The following TCEA3 variants were observed in gnomAD, a reference collection of about 807,000 sequenced individuals.
TCEA3 encodes the protein transcription elongation factor A protein 3.
A neutral mutation model predicts 44.0 loss-of-function variants in TCEA3; 36 were observed. The ratio of observed to expected loss-of-function variants is 0.82; its 90% CI spans 0.63 to 1.08. TCEA3 has a LOEUF of 1.08. TCEA3 is among the 50% of genes least tolerant of loss of function. The pLI, the probability that TCEA3 is intolerant of heterozygous loss-of-function variation, is 0.00. For synonymous variants in TCEA3, 162 were observed against 159.7 expected, an observed-to-expected ratio of 1.01 and a Z score of -0.11; for missense variants, 392 against 441.2, an observed-to-expected ratio of 0.89 and a Z score of 1.00.
In TCEA3 at chr1:23,419,747, A is replaced by T. The variant is rs573138712; in HGVS notation, c.70-608T>A. On this transcript the variant is annotated intron_variant, in intron 1 of 10. Transcript: ENST00000450454. ...GTTACTCAGGAGGCTGAGGCAGGAA[A>T]ATCGCTTGAGCCCAGGAGATGGAGG... Among the ~76,000 whole-genome samples the T allele has an allele frequency of 8.6e-4, 131 of 152,284 alleles. 1 individual carries two copies. The highest frequency in any genetic ancestry group is 8.3e-3 in the South Asian group (40 of 4,826).
intron 4 of TCEA3, chr1:23,412,176 T>C (rs1639729662): frequency 6.6e-6 from 1 of 152,246 alleles, no homozygotes; most frequent in Non-Finnish European, 1.5e-5. Context: ...TCTTCGGCCA[T>C]TGTTTGCTAC....
chr1:23,423,218 T>C (rs868107604), intron 1 of TCEA3, among the ~76,000 whole-genome samples: 56 of 152,216 alleles, frequency 3.7e-4, no homozygotes, highest in African/African-American at 1.3e-3. Context: ...TGTATCTTTC[T>C]GTGTTGGACC....
intron 4 of TCEA3, chr1:23,410,684 C>T (rs1295225790): frequency 6.6e-6 from 1 of 152,026 alleles, no homozygotes; most frequent in East Asian, 2.0e-4. Context: ...CACGTGTAAT[C>T]CCAGCTACTC....
intron 2 of TCEA3, among the ~76,000 whole-genome samples, chr1:23,418,830 G>C (rs908903591): frequency 6.6e-6 from 1 of 152,020 alleles, no homozygotes; most frequent in African/African-American, 2.4e-5. Context: ...GGGTATTCAA[G>C]AAAAGCGAAC....
intron 8 of TCEA3, among the ~76,000 whole-genome samples, chr1:23,387,675 G>A (rs982126188): frequency 1.3e-4 from 20 of 152,106 alleles, no homozygotes; most frequent in African/African-American, 4.1e-4. Flanking sequence ...GCCCGAGGAC[G>A]AGCACTCCTG....
chr1:23,400,089 G>A (rs1162273449), intron 5 of TCEA3, among the ~76,000 whole-genome samples: 2 of 152,244 alleles, frequency 1.3e-5, no homozygotes, highest in Non-Finnish European at 2.9e-5. Context: ...CTTGTAAGAA[G>A]GAGAGGGAGT....
At chr1:23,407,466 C>G (rs909802491) in intron 5 of TCEA3, among the ~76,000 whole-genome samples, 8 of 152,098 alleles carry the variant, frequency 5.3e-5, no homozygotes, top group Admixed American at 4.6e-4. Flanking sequence ...TTCGCTTAAA[C>G]TGCTCCAGCC....
At chr1:23,384,731 A>G (rs1403078081) in intron 9 of TCEA3, among the ~76,000 whole-genome samples, 1 of 135,834 alleles carries the variant, frequency 7.4e-6, no homozygotes, top group African/African-American at 2.9e-5. Context: ...CAGTGGTGCC[A>G]TCTCGGCTCA....
chr1:23,399,148 A>ATG (rs1639314597), intron 5 of TCEA3, among the ~76,000 whole-genome samples: 1 of 99,268 alleles, frequency 1.0e-5, no homozygotes, highest in Admixed American at 9.4e-5. Context: ...ATATATGTAT[A>ATG]TATATATATA....
chr1:23,424,006 C>G (rs1640142203), intron 1 of TCEA3: 1 of 379,148 alleles, frequency 2.6e-6, no homozygotes, highest in South Asian at 1.9e-5. Flanking sequence ...GGGAAAATTG[C>G]CAAAAGAACC....
At chr1:23,401,059 C>T (rs1464356067) in intron 5 of TCEA3, among the ~76,000 whole-genome samples, 1 of 152,198 alleles carries the variant, frequency 6.6e-6, no homozygotes, top group African/African-American at 2.4e-5. Flanking sequence ...GATCAACAAC[C>T]TGGAGTTACC....
At chr1:23,406,867 C>T (rs1006236999) in intron 5 of TCEA3, among the ~76,000 whole-genome samples, 1 of 152,162 alleles carries the variant, frequency 6.6e-6, no homozygotes, top group Non-Finnish European at 1.5e-5. Context: ...AGTGATCTGC[C>T]CGCCTCGGCC....
chr1:23,400,476 T>A (rs1639367107), intron 5 of TCEA3, among the ~76,000 whole-genome samples: 1 of 151,272 alleles, frequency 6.6e-6, no homozygotes, highest in Admixed American at 6.6e-5. Flanking sequence ...CCCAATGTGC[T>A]GAGATTACAG....
chr1:23,396,501 T>C (rs1212254869), intron 7 of TCEA3, among the ~76,000 whole-genome samples: 3 of 151,934 alleles, frequency 2.0e-5, no homozygotes, highest in Non-Finnish European at 4.4e-5. Context: ...GGTGAGAAGT[T>C]GGGGAGCAGG....
intron 10 of TCEA3, chr1:23,384,136 G>A (rs995897783): frequency 1.8e-5 from 25 of 1,372,714 alleles, no homozygotes; most frequent in Middle Eastern, 2.7e-4. Flanking sequence ...CCCCAGCTTG[G>A]TGCCCTTCTA....
At chr1:23,397,417 C>T (rs963655966) in intron 7 of TCEA3, 128 bp downstream of exon 7, 6 of 778,404 alleles carry the variant, frequency 7.7e-6, no homozygotes, top group Non-Finnish European at 1.3e-5. Context: ...AACTCTGGTT[C>T]AGGGGCAGAG....
chr1:23,392,359 C>G (rs1639055614), intron 8 of TCEA3, among the ~76,000 whole-genome samples: 1 of 151,346 alleles, frequency 6.6e-6, no homozygotes, highest in African/African-American at 2.4e-5. Context: ...CTCCACACAT[C>G]ATACACACAC....
intron 8 of TCEA3, among the ~76,000 whole-genome samples, chr1:23,389,894 G>A (rs943288333): frequency 7.2e-5 from 11 of 152,186 alleles, no homozygotes; most frequent in Non-Finnish European, 1.5e-4. Context: ...GCTGGTAGGA[G>A]CTAGCTCAAG....
At chr1:23,387,502 G>A in intron 8 of TCEA3, 83 bp from the exon 9 acceptor site, 1 of 1,439,314 alleles carries the variant, frequency 6.9e-7, no homozygotes, top group African/African-American at 1.4e-5. Flanking sequence ...AGCCTGAACA[G>A]AAAAGGAGGT....
Sources: gnomAD v4.1 joint callset for allele counts (sites outside exome capture counted in the v4.1 genomes callset) on GRCh38, gnomAD v4.1.1 for gene constraint, MANE v1.5 for transcripts, NCBI Gene and HGNC (gene_info 2026-07-23, HGNC 2026-07-21) for gene names.